Variants in SYT9 observed in about 807,000 individuals in gnomAD.
SYT9 encodes synaptotagmin-9.
Under a neutral mutation model 48.4 loss-of-function variants are expected in SYT9, and 22 were observed. That is an observed-to-expected ratio of 0.45 (90% CI 0.32 to 0.65). The LOEUF is 0.65. Among genes scored for constraint, SYT9 ranks in the 30% least tolerant of loss-of-function variants. The pLI is 0.03. For synonymous variants in SYT9, 265 were observed against 245.0 expected, an observed-to-expected ratio of 1.08 and a Z score of -0.76; for missense variants, 577 against 622.0, an observed-to-expected ratio of 0.93 and a Z score of 0.77.
In SYT9 at chr11:7,420,629, G is replaced by A. The variant is rs1489313182; in HGVS notation, c.1461G>A (p.Leu487=). The A allele has an allele frequency of 6.2e-7, 1 of 1,614,140 alleles. No homozygotes were observed. The highest frequency in any genetic ancestry group is 8.5e-7 in the Non-Finnish European group (1 of 1,180,006). The stretch of plus-strand genomic sequence containing the variant: ...AGCCCATTGCACACTGGCATTCCCT[G>A]GTGGAGGTAAGACCCTAATCCACAT... ...PRKPIAHWHS[L]VEKR is the part of the protein sequence containing the mutation. Residue 487 remains leucine, a synonymous_variant, in exon 6 of 7, where the codon CTG becomes CTA. Coordinates refer to ENST00000318881, the MANE Select transcript of SYT9 (RefSeq NM_175733.4).
intron 3 of SYT9, among the ~76,000 whole-genome samples, chr11:7,403,590 T>C (rs68161559): frequency 2.8e-4 from 26 of 93,224 alleles, no homozygotes; most frequent in Non-Finnish European, 3.1e-4. Context: ...GACACACACA[T>C]GTATTAGTTT....
chr11:7,448,401 C>T (rs1355603812), intron 6 of SYT9, among the ~76,000 whole-genome samples: 3 of 152,278 alleles, frequency 2.0e-5, no homozygotes, highest in African/African-American at 7.2e-5. Context: ...GACACAGACA[C>T]CTCATGCACA....
intron 6 of SYT9, among the ~76,000 whole-genome samples, chr11:7,460,225 T>C (rs1848213832): frequency 6.6e-6 from 1 of 152,220 alleles, no homozygotes; most frequent in Non-Finnish European, 1.5e-5. Flanking sequence ...TAAAAACACT[T>C]TTTTCACTTG....
At chr11:7,277,519 T>C (rs1015989280) in intron 1 of SYT9, among the ~76,000 whole-genome samples, 5 of 147,134 alleles carry the variant, frequency 3.4e-5, no homozygotes, top group African/African-American at 1.3e-4. Context: ...TTACATCCAT[T>C]TTTTTTTGTC....
At chr11:7,305,130 GA>G (rs1232332707) in intron 2 of SYT9, among the ~76,000 whole-genome samples, 1 of 152,092 alleles carries the variant, frequency 6.6e-6, no homozygotes, top group Non-Finnish European at 1.5e-5. Context: ...TATCACTACT[GA>G]TTTGTAGAAA....
chr11:7,273,496 T>C (rs143483260), intron 1 of SYT9, among the ~76,000 whole-genome samples: 111 of 152,296 alleles, frequency 7.3e-4, no homozygotes, highest in African/African-American at 2.6e-3. Flanking sequence ...ACCCAGTATT[T>C]ATTTCTTCTG....
intron 3 of SYT9, among the ~76,000 whole-genome samples, chr11:7,387,719 C>T (rs193229956): frequency 6.6e-6 from 1 of 152,194 alleles, no homozygotes; most frequent in East Asian, 1.9e-4. Context: ...AAGAAAATTC[C>T]CTTTCCATAT....
intron 3 of SYT9, among the ~76,000 whole-genome samples, chr11:7,353,902 A>G (rs1403628592): frequency 6.6e-6 from 1 of 152,232 alleles, no homozygotes; most frequent in East Asian, 1.9e-4. Context: ...AACATACACA[A>G]AATTTTACTA....
chr11:7,410,641 C>T (rs1847119277), intron 3 of SYT9, among the ~76,000 whole-genome samples: 2 of 152,128 alleles, frequency 1.3e-5, no homozygotes, highest in South Asian at 4.1e-4. Context: ...GACCTAAAGT[C>T]TGTTTGATCT....
At chr11:7,313,276 G>A (rs1589936740) in intron 2 of SYT9, 119 bp from the exon 3 acceptor site, 1 of 1,023,206 alleles carries the variant, frequency 9.8e-7, no homozygotes, top group East Asian at 2.7e-5. Flanking sequence ...CACAAAAAAG[G>A]CCCACAGATC....
At chr11:7,339,108 C>CT (rs569840975) in intron 3 of SYT9, among the ~76,000 whole-genome samples, 4 of 151,488 alleles carry the variant, frequency 2.6e-5, no homozygotes, top group Non-Finnish European at 5.9e-5. Context: ...CTTCTTTGGG[C>CT]TTTTTTTGTT....
rs187151244 is a variant in SYT9 at position 7,466,402 on chromosome 11, C to T, written c.1468-390C>T. Among the ~76,000 whole-genome samples the T allele has an allele frequency of 1.5e-4, 23 of 152,232 alleles. No individual in the cohort carries two copies. In the East Asian group the frequency reaches 4.2e-3, roughly 28 times the overall value. ...AGTATCCCCAGCATCTATTACCATG[C>T]CTGGCACTTGTTTGGTGCACATTAA... On this transcript the variant is annotated intron_variant, in intron 6 of 6. Transcript: ENST00000318881.
chr11:7,299,309 T>G (rs1589924872), intron 1 of SYT9, among the ~76,000 whole-genome samples: 2 of 152,184 alleles, frequency 1.3e-5, no homozygotes, highest in East Asian at 3.9e-4. Flanking sequence ...TAGCACCTCT[T>G]TCTGAAAAAA....
rs536224080 is a variant in SYT9 at position 7,391,791 on chromosome 11, C to T, written c.1045-24251C>T. Among the ~76,000 whole-genome samples the T allele has an allele frequency of 7.1e-5, 10 of 140,492 alleles. No individual in the cohort carries two copies. In the East Asian group the frequency reaches 2.1e-3, roughly 29 times the overall value. The allele number at this position is 140,492 out of a possible 152,430, so 92.2% of individuals were successfully genotyped here. A position where few individuals can be genotyped will look rare whatever the true frequency, so the allele number is the denominator to read the frequency against. Reference sequence around the variant, plus strand: ...CCTAGCTAGGCGTGGTGGCATACGCCTGTAGTCCCAGCTACTCGGGAACCT... The same window carrying T: ...CCTAGCTAGGCGTGGTGGCATACGCTTGTAGTCCCAGCTACTCGGGAACCT... On this transcript the variant is annotated intron_variant, in intron 3 of 6. Transcript: ENST00000318881.
chr11:7,375,689 G>T (rs1020210728), intron 3 of SYT9, among the ~76,000 whole-genome samples: 1 of 152,174 alleles, frequency 6.6e-6, no homozygotes, highest in African/African-American at 2.4e-5. Context: ...TTGTGAATGG[G>T]AGTTCACTCA....
intron 1 of SYT9, among the ~76,000 whole-genome samples, chr11:7,240,745 T>C (rs1847731988): frequency 6.6e-6 from 1 of 152,164 alleles, no homozygotes; most frequent in African/African-American, 2.4e-5. Context: ...TCAATGGAGG[T>C]TAAAGTTATA....
intron 3 of SYT9, among the ~76,000 whole-genome samples, chr11:7,346,302 T>G (rs796696622): frequency 6.6e-6 from 1 of 152,112 alleles, no homozygotes; most frequent in Non-Finnish European, 1.5e-5. Context: ...GAGCCAGTAG[T>G]GGGGAAGCCT....
chr11:7,440,546 T>G (rs566138388), intron 6 of SYT9: 1 of 152,346 alleles, frequency 6.6e-6, no homozygotes, highest in African/African-American at 2.4e-5. Context: ...TCAAAGCCAC[T>G]GCTTCTCATG....
At chr11:7,367,323 C>T (rs1446713838) in intron 3 of SYT9, among the ~76,000 whole-genome samples, 4 of 151,228 alleles carry the variant, frequency 2.6e-5, no homozygotes, top group African/African-American at 7.3e-5. Flanking sequence ...CCTCGTGATC[C>T]GCCCTCCTCG....
Sources: allele counts gnomAD v4.1 joint callset (sites outside exome capture counted in the v4.1 genomes callset), GRCh38; gene constraint gnomAD v4.1.1; transcripts MANE v1.5; gene names NCBI Gene and HGNC (gene_info 2026-07-23, HGNC 2026-07-21).